The following USP46 variants were observed in gnomAD, a reference collection of about 807,000 sequenced individuals.
USP46 encodes ubiquitin carboxyl-terminal hydrolase 46.
In USP46, 12 loss-of-function variants were observed where a neutral mutation model predicts 44.4. That is an observed-to-expected ratio of 0.27 (90% CI 0.17 to 0.44). The LOEUF (loss-of-function observed/expected upper bound fraction) is 0.44. USP46 is among the 20% of genes least tolerant of loss of function. The pLI, the probability that USP46 is intolerant of heterozygous loss-of-function variation, is 1.00. For synonymous variants in USP46, 155 were observed against 161.5 expected (o/e 0.96, Z 0.31); for missense variants, 248 against 444.8 (o/e 0.56, Z 3.98).
chr4:52,636,523 T>C (rs987889333), intron 1 of USP46, among the ~76,000 whole-genome samples: 1 of 151,866 alleles, frequency 6.6e-6, no homozygotes, highest in Non-Finnish European at 1.5e-5. Context: ...CTGGCCAATA[T>C]GGTGAAACCC....
At chr4:52,644,771 A>C (rs1718481222) in intron 1 of USP46, among the ~76,000 whole-genome samples, 1 of 151,180 alleles carries the variant, frequency 6.6e-6, no homozygotes, top group African/African-American at 2.4e-5. Flanking sequence ...TCTGAAAAAA[A>C]CCTTGGCCAG....
chr4:52,648,132 C>A (rs1258764792), intron 1 of USP46, among the ~76,000 whole-genome samples: 1 of 152,222 alleles, frequency 6.6e-6, no homozygotes, highest in Non-Finnish European at 1.5e-5. Flanking sequence ...CATACCCAAT[C>A]AACAGTGGTG....
intron 1 of USP46, among the ~76,000 whole-genome samples, chr4:52,655,921 A>G (rs1718930015): frequency 6.6e-6 from 1 of 152,250 alleles, no homozygotes; most frequent in African/African-American, 2.4e-5. Context: ...CAAGTTTCCT[A>G]TAACTAAAAC....
chr4:52,633,939 CTG>C (rs891872942), intron 1 of USP46, among the ~76,000 whole-genome samples: 1 of 152,172 alleles, frequency 6.6e-6, no homozygotes, highest in Admixed American at 6.5e-5. Context: ...AGTGAGCTCT[CTG>C]TGCTTTCAGT....
intron 1 of USP46, among the ~76,000 whole-genome samples, chr4:52,633,782 C>T (rs1718004277): frequency 6.6e-6 from 1 of 152,178 alleles, no homozygotes; most frequent in Non-Finnish European, 1.5e-5. Flanking sequence ...GGTGATGACT[C>T]ATACTAAGGA....
intron 1 of USP46, among the ~76,000 whole-genome samples, chr4:52,632,918 G>GAGAAAGGAAGAAAGAAAGAAAGAA (rs1717900632): frequency 8.5e-5 from 3 of 35,206 alleles, no homozygotes; most frequent in Non-Finnish European, 1.9e-4. Context: ...AAGAAAGAAA[G>GAGAAAGGAAGAAAGAAAGAAAGAA]AGAAAGAAAG....
intron 4 of USP46, among the ~76,000 whole-genome samples, chr4:52,623,457 CTG>C (rs1480186602): frequency 6.6e-6 from 1 of 152,102 alleles, no homozygotes; most frequent in African/African-American, 2.4e-5. Context: ...AAGGCTCTAA[CTG>C]TTGGAAAAGT....
chr4:52,656,365 G>A, intron 1 of USP46: 1 of 1,314,322 alleles, frequency 7.6e-7, no homozygotes, highest in Non-Finnish European at 9.9e-7. Context: ...CTGATCCAGT[G>A]AAAAGACAGC....
chr4:52,607,975 T>C (rs1210136799), intron 5 of USP46, among the ~76,000 whole-genome samples: 1 of 152,206 alleles, frequency 6.6e-6, no homozygotes, highest in Non-Finnish European at 1.5e-5. Flanking sequence ...AATGGACTAA[T>C]ACAGGGCTGG....
At position 52,656,222 on chromosome 4, in the gene USP46, G is replaced by T. The variant is rs532762912; in HGVS notation, c.36+2893C>A. On this transcript the variant is annotated intron_variant, in intron 1 of 8. Transcript: ENST00000441222. ...ACTACTCAAACCAGCTGGGACCAAA[G>T]TTAGGAGCGGGAAGGGTCAGTAAGA... 3.4e-6 allele frequency: 5 copies of T among 1,477,682 alleles called. No homozygotes were observed. In the African/African-American group the frequency reaches 7.0e-5, roughly 21 times the overall value. The allele number at this position is 1,477,682 out of a possible 1,614,324, so 91.5% of individuals were successfully genotyped here.
chr4:52,654,650 C>T (rs190589330), intron 1 of USP46, among the ~76,000 whole-genome samples: 253 of 152,230 alleles, frequency 1.7e-3, no homozygotes, highest in Middle Eastern at 0.014. Context: ...CTTGCCTCGG[C>T]CTCCCAAAGT....
At chr4:52,658,051 G>C (rs1008294668) in intron 1 of USP46, 1 of 355,764 alleles carries the variant, frequency 2.8e-6, no homozygotes, top group African/African-American at 2.1e-5. Context: ...TAGCTTCAAG[G>C]GAGGTTTTCC....
At chr4:52,609,015 G>A (rs1039610797) in intron 5 of USP46, among the ~76,000 whole-genome samples, 2 of 152,158 alleles carry the variant, frequency 1.3e-5, no homozygotes, top group Non-Finnish European at 2.9e-5. Context: ...GTTTTTGCCT[G>A]AGGCCACCCC....
At chr4:52,639,834 C>G (rs1182841967) in intron 1 of USP46, among the ~76,000 whole-genome samples, 1 of 148,956 alleles carries the variant, frequency 6.7e-6, no homozygotes, top group Non-Finnish European at 1.5e-5. Context: ...GTAGCTGGTA[C>G]TACAGGCATA....
intron 1 of USP46, among the ~76,000 whole-genome samples, chr4:52,633,841 C>A (rs1359070454): frequency 6.6e-6 from 1 of 152,182 alleles, no homozygotes; most frequent in East Asian, 1.9e-4. Flanking sequence ...GAGACAGAGG[C>A]CTGGCCCACT....
chr4:52,599,873 A>G (rs1379713120), intron 7 of USP46, among the ~76,000 whole-genome samples: 2 of 152,024 alleles, frequency 1.3e-5, no homozygotes, highest in African/African-American at 2.4e-5. Flanking sequence ...CCTCTCACAC[A>G]CTGCCCCCTT....
intron 1 of USP46, among the ~76,000 whole-genome samples, chr4:52,646,007 T>C (rs577899043): frequency 5.3e-5 from 8 of 152,324 alleles, no homozygotes; most frequent in Non-Finnish European, 8.8e-5. Context: ...CTCCCAGTCA[T>C]GCTTCCTGTT....
At chr4:52,639,702 G>C (rs1019460390) in intron 1 of USP46, among the ~76,000 whole-genome samples, 3 of 151,846 alleles carry the variant, frequency 2.0e-5, no homozygotes, top group African/African-American at 7.3e-5. Flanking sequence ...AATGAAAAGT[G>C]AATTTTTTTT....
intron 1 of USP46, among the ~76,000 whole-genome samples, chr4:52,657,040 CAAA>C (rs959028429): frequency 6.8e-5 from 2 of 29,256 alleles, no homozygotes. Flanking sequence ...GAGACCTTGT[CAAA>C]AAAAAAAAAA....
Sources: gnomAD v4.1 joint callset for allele counts (sites outside exome capture counted in the v4.1 genomes callset) on GRCh38, gnomAD v4.1.1 for gene constraint, MANE v1.5 for transcripts, NCBI Gene and HGNC (gene_info 2026-07-23, HGNC 2026-07-21) for gene names.